Variants in POT1 observed in about 807,000 individuals in gnomAD.
The protein encoded by POT1 is protection of telomeres 1.
POT1 carries 47 observed loss-of-function variants against 78.5 expected under a neutral mutation model. The ratio of observed to expected loss-of-function variants is 0.60; its 90% CI spans 0.47 to 0.76. The LOEUF is 0.76. POT1 is among the 30% of genes least tolerant of loss of function. The pLI is 0.00. For synonymous variants in POT1, 259 were observed against 260.7 expected, an observed-to-expected ratio of 0.99 and a Z score of 0.06; for missense variants, 646 against 749.9, an observed-to-expected ratio of 0.86 and a Z score of 1.62.
intron 3 of POT1, chr7:124,900,939 G>A (rs534124590): frequency 1.4e-5 from 3 of 215,374 alleles, no homozygotes; most frequent in South Asian, 5.2e-5. Flanking sequence ...AGGCTGCAGC[G>A]AGTCTGGGGG....
At chr7:124,900,206 T>C (rs191413571) in intron 3 of POT1, among the ~76,000 whole-genome samples, 1 of 152,294 alleles carries the variant, frequency 6.6e-6, no homozygotes, top group East Asian at 1.9e-4. Context: ...ATACTTCCCA[T>C]TCAATATTAG....
At chr7:124,833,239 TAA>T (rs1406776232) in intron 15 of POT1, among the ~76,000 whole-genome samples, 2 of 152,188 alleles carry the variant, frequency 1.3e-5, no homozygotes, top group African/African-American at 4.8e-5. Flanking sequence ...GCTTTATGGC[TAA>T]AATTTTATGA....
At chr7:124,913,834 A>T (rs1584524870) in intron 3 of POT1, among the ~76,000 whole-genome samples, 1 of 152,050 alleles carries the variant, frequency 6.6e-6, no homozygotes, top group East Asian at 1.9e-4. Context: ...TGAACATGTG[A>T]TCCTTGTCAA....
chr7:124,892,502 T>A, intron 5 of POT1, 122 bp from the exon 6 acceptor site: 1 of 499,104 alleles, frequency 2.0e-6, no homozygotes, highest in East Asian at 3.5e-5. Context: ...CTAAAAGAAG[T>A]TATAACCTGA....
chr7:124,924,866 T>C (rs1797236450), intron 2 of POT1, among the ~76,000 whole-genome samples: 1 of 151,990 alleles, frequency 6.6e-6, no homozygotes, highest in Non-Finnish European at 1.5e-5. Context: ...AAAAACCAGA[T>C]GATCATCCCA....
chr7:124,882,200 C>T (rs900095781), intron 6 of POT1, among the ~76,000 whole-genome samples: 2 of 151,908 alleles, frequency 1.3e-5, no homozygotes, highest in African/African-American at 4.8e-5. Flanking sequence ...AAAAGTTCTT[C>T]CATGAAAGTT....
chr7:124,860,644 C>T (rs1049055077), intron 8 of POT1, among the ~76,000 whole-genome samples: 41 of 152,070 alleles, frequency 2.7e-4, no homozygotes, highest in South Asian at 2.1e-4. Context: ...TTTTGGGATA[C>T]ATGTGCAGAA....
chr7:124,902,943 G>A lies in POT1; in HGVS notation c.-153-4569C>T, dbSNP rs182469248. Among the ~76,000 whole-genome samples, 32 of 152,218 alleles carry A rather than the reference G, an allele frequency of 2.1e-4. No individual in the cohort carries two copies. The East Asian group carries it at 5.8e-3, about 28-fold the overall frequency. On this transcript the variant is annotated intron_variant, in intron 3 of 18. Transcript: ENST00000357628. ...GAGACACAGAAGGCCATTAAGTAATGGTAAAGGGATCAAGTCCACAAGAAA... is the reference window on the plus strand; with the variant it reads ...GAGACACAGAAGGCCATTAAGTAATAGTAAAGGGATCAAGTCCACAAGAAA...
chr7:124,922,645 C>T (rs7804052), intron 2 of POT1, among the ~76,000 whole-genome samples: 48,439 of 151,648 alleles, frequency 0.32, 7,767 homozygotes, highest in South Asian at 0.4. Context: ...AGGAACAAAA[C>T]GGGTGTTGCT....
chr7:124,907,001 T>C (rs961910358), intron 3 of POT1, among the ~76,000 whole-genome samples: 4 of 152,114 alleles, frequency 2.6e-5, no homozygotes, highest in Non-Finnish European at 4.4e-5. Flanking sequence ...CAAACAAGAA[T>C]TGGAATTACC....
intron 3 of POT1, among the ~76,000 whole-genome samples, chr7:124,914,162 G>T (rs1296758123): frequency 6.7e-6 from 1 of 149,750 alleles, no homozygotes; most frequent in African/African-American, 2.5e-5. Context: ...AAAGAGTATG[G>T]GTTTATTTCT....
At chr7:124,839,275 C>G (rs1052365255) in intron 14 of POT1, among the ~76,000 whole-genome samples, 9 of 152,116 alleles carry the variant, frequency 5.9e-5, no homozygotes, top group Admixed American at 6.5e-5. Context: ...AGAGCTTTTA[C>G]AGAAATTAAG....
chr7:124,822,559 C>G lies in POT1; in HGVS notation c.*1403G>C, dbSNP rs1191608641. ...TTCTAGATTGAGGGCTTCCTGAAGGCAGAAAAAATGTTTATTTCACCTTTG... is the reference window on the plus strand; with the variant it reads ...TTCTAGATTGAGGGCTTCCTGAAGGGAGAAAAAATGTTTATTTCACCTTTG... On this transcript the variant is annotated 3_prime_UTR_variant, in exon 19 of 19. Coordinates refer to ENST00000357628, the MANE Select transcript of POT1 (RefSeq NM_015450.3). 2.2e-6 allele frequency: 1 copy of G among 455,536 alleles called. No homozygotes were observed. Among genetic ancestry groups the G allele is most frequent in the African/African-American group, 2.0e-5 (1 of 50,030 alleles). 28.2% of individuals were successfully genotyped at this position (455,536 alleles called of 1,614,324 possible). A position where few individuals can be genotyped will look rare whatever the true frequency, so the allele number is the denominator to read the frequency against.
intron 7 of POT1, among the ~76,000 whole-genome samples, chr7:124,867,990 C>T (rs972948902): frequency 1.3e-5 from 2 of 152,070 alleles, no homozygotes; most frequent in African/African-American, 4.8e-5. Flanking sequence ...GATTTATATG[C>T]TTACTTTCAT....
intron 6 of POT1, among the ~76,000 whole-genome samples, chr7:124,891,019 G>C (rs1028490906): frequency 6.6e-6 from 1 of 151,626 alleles, no homozygotes; most frequent in Non-Finnish European, 1.5e-5. Flanking sequence ...TGTCTGATAC[G>C]TCTGTTAGGT....
chr7:124,839,179 T>A (rs1361183852), intron 14 of POT1, among the ~76,000 whole-genome samples: 2 of 152,058 alleles, frequency 1.3e-5, no homozygotes. Flanking sequence ...GCAAAGGCAA[T>A]TCAATGGAGA....
chr7:124,924,284 G>GA (rs999935492), intron 2 of POT1, among the ~76,000 whole-genome samples: 2 of 151,366 alleles, frequency 1.3e-5, no homozygotes, highest in African/African-American at 4.8e-5. Flanking sequence ...AATCAGAGAG[G>GA]AAAAAAGAGA....
chr7:124,902,176 C>T (rs6466961), intron 3 of POT1, among the ~76,000 whole-genome samples: 91,297 of 151,820 alleles, frequency 0.6, 27,574 homozygotes, highest in African/African-American at 0.65. Flanking sequence ...ATACAGAGAA[C>T]GCCACAAAGA....
In POT1 at chr7:124,923,646, G is replaced by A. The variant is rs566068591; in HGVS notation, c.-227+5169C>T. On this transcript the variant is annotated intron_variant, in intron 2 of 18. Coordinates refer to ENST00000357628, the MANE Select transcript of POT1 (RefSeq NM_015450.3). ...AATGAAAACTTCCTAAGTCTAGCAA[G>A]AGCATCAGACATCCAGATACAGGAG... Among the ~76,000 whole-genome samples the A allele has an allele frequency of 5.9e-5, 9 of 151,612 alleles. No homozygotes were observed. The South Asian group carries it at 1.7e-3, about 28-fold the overall frequency.
Sources: gnomAD v4.1 joint callset for allele counts (sites outside exome capture counted in the v4.1 genomes callset) on GRCh38, gnomAD v4.1.1 for gene constraint, MANE v1.5 for transcripts, NCBI Gene and HGNC (gene_info 2026-07-23, HGNC 2026-07-21) for gene names.